TANGO6: variants seen among roughly 807,000 people sequenced by gnomAD.
The protein encoded by TANGO6 is transport and Golgi organization protein 6 homolog.
TANGO6 carries 90 observed loss-of-function variants against 114.2 expected under a neutral mutation model. The observed-to-expected ratio is 0.79, with a 90% CI of 0.66 to 0.94. The LOEUF (loss-of-function observed/expected upper bound fraction) is 0.94. Ranked by LOEUF, TANGO6 falls within the 40% of genes least tolerant of loss-of-function variation. The probability of loss-of-function intolerance (pLI) is 0.00; values close to 1 mark genes in which losing one functional copy is unlikely to be tolerated. For synonymous variants in TANGO6, 477 were observed against 509.8 expected, an observed-to-expected ratio of 0.94 and a Z score of 0.87; for missense variants, 1,274 against 1,315.3, an observed-to-expected ratio of 0.97 and a Z score of 0.49.
chr16:68,891,107 C>T (rs995404120), intron 7 of TANGO6, among the ~76,000 whole-genome samples: 5 of 151,086 alleles, frequency 3.3e-5, no homozygotes, highest in Admixed American at 1.3e-4. Flanking sequence ...GCCTGGCCAA[C>T]GTGGTGAAAC....
At chr16:68,851,672 G>A (rs7205678) in intron 1 of TANGO6, among the ~76,000 whole-genome samples, 1,932 of 152,186 alleles carry the variant, frequency 0.013, 38 homozygotes, top group African/African-American at 0.042. Flanking sequence ...TGTATCTATA[G>A]GATAGATTCC....
intron 14 of TANGO6, among the ~76,000 whole-genome samples, chr16:68,932,112 C>T (rs1414971657): frequency 1.1e-4 from 16 of 149,332 alleles, no homozygotes; most frequent in African/African-American, 3.0e-4. Context: ...TTTTTTGAGA[C>T]GGAGTTTCAC....
At chr16:68,857,288 A>G (rs1489894952) in intron 1 of TANGO6, among the ~76,000 whole-genome samples, 2 of 152,086 alleles carry the variant, frequency 1.3e-5, no homozygotes, top group African/African-American at 4.8e-5. Context: ...ACTTAGAATT[A>G]TGCATTTAAG....
intron 15 of TANGO6, among the ~76,000 whole-genome samples, chr16:68,993,061 C>G (rs973715392): frequency 2.0e-5 from 3 of 151,202 alleles, no homozygotes; most frequent in Non-Finnish European, 4.4e-5. Context: ...GAGGGAGACT[C>G]TGTCTCAAAA....
chr16:69,072,475 C>T (rs1399641680), intron 17 of TANGO6, among the ~76,000 whole-genome samples: 1 of 152,032 alleles, frequency 6.6e-6, no homozygotes, highest in Non-Finnish European at 1.5e-5. Context: ...ATCCTGCCCC[C>T]GACAGAGGCT....
Position 68,919,189 on chromosome 16 carries a change from G to T in TANGO6, c.2097G>T (p.Leu699=). ...AGACGCTGAGCATGTCCATGGGGCT[G>T]GTGGCTGTCATGCTAGGAGGAGCTG... ...ESQTLSMSMG[L]VAVMLGGAVQ... Residue 699 remains leucine (L), a synonymous_variant, in exon 12 of 18, where the codon CTG becomes CTT. Transcript: ENST00000261778. The T allele has an allele frequency of 6.2e-7, 1 of 1,612,780 alleles. No individual in the cohort carries two copies. The highest frequency in any genetic ancestry group is 8.5e-7 in the Non-Finnish European group (1 of 1,179,484).
At chr16:69,078,330 C>T (rs938643517) in intron 17 of TANGO6, among the ~76,000 whole-genome samples, 2 of 152,138 alleles carry the variant, frequency 1.3e-5, no homozygotes, top group African/African-American at 2.4e-5. Flanking sequence ...TCAGGAATAT[C>T]GAAAGATGGA....
At chr16:68,953,759 G>A (rs1352401328) in intron 14 of TANGO6, among the ~76,000 whole-genome samples, 3 of 152,158 alleles carry the variant, frequency 2.0e-5, no homozygotes, top group African/African-American at 2.4e-5. Flanking sequence ...CGTGAAACCC[G>A]CCTTTGTGAC....
intron 16 of TANGO6, among the ~76,000 whole-genome samples, chr16:69,023,905 T>C: frequency 6.6e-6 from 1 of 151,860 alleles, no homozygotes; most frequent in East Asian, 1.9e-4. Context: ...GAGTTTTTTA[T>C]TATTATTATT....
intron 12 of TANGO6, 34 bp downstream of exon 12, chr16:68,919,253 G>A: frequency 6.2e-7 from 1 of 1,605,204 alleles, no homozygotes; most frequent in Non-Finnish European, 8.5e-7. Context: ...CTTGAATGGA[G>A]GGAAGGGAGA....
chr16:69,002,670 C>T (rs1019863796), intron 15 of TANGO6, among the ~76,000 whole-genome samples: 2 of 152,082 alleles, frequency 1.3e-5, no homozygotes, highest in African/African-American at 2.4e-5. Context: ...TACCCAGTCT[C>T]GGCTGTGTAA....
intron 14 of TANGO6, among the ~76,000 whole-genome samples, chr16:68,971,572 GC>G (rs1963704856): frequency 6.6e-6 from 1 of 152,086 alleles, no homozygotes; most frequent in African/African-American, 2.4e-5. Flanking sequence ...ACTGCACCTA[GC>G]CCCCTCTTCT....
chr16:69,076,951 C>G (rs563422915), intron 17 of TANGO6, among the ~76,000 whole-genome samples: 1 of 152,180 alleles, frequency 6.6e-6, no homozygotes, highest in Non-Finnish European at 1.5e-5. Flanking sequence ...AAGCCAAGAT[C>G]GCACCACTGA....
chr16:69,069,363 G>A (rs1317552990), intron 17 of TANGO6, among the ~76,000 whole-genome samples: 1 of 152,196 alleles, frequency 6.6e-6, no homozygotes, highest in African/African-American at 2.4e-5. Flanking sequence ...AGTCTCATCT[G>A]TTCCCTCTCA....
At chr16:69,060,456 A>G (rs551114260) in intron 17 of TANGO6, among the ~76,000 whole-genome samples, 1 of 152,284 alleles carries the variant, frequency 6.6e-6, no homozygotes, top group South Asian at 2.1e-4. Flanking sequence ...GTAGCTTAGT[A>G]TAGTGGTGCA....
At chr16:68,894,167 G>T (rs994477472) in intron 7 of TANGO6, among the ~76,000 whole-genome samples, 2 of 152,216 alleles carry the variant, frequency 1.3e-5, no homozygotes, top group African/African-American at 4.8e-5. Flanking sequence ...AGTTCGAAAT[G>T]CAGCATTGGC....
intron 14 of TANGO6, among the ~76,000 whole-genome samples, chr16:68,946,025 G>T (rs759390005): frequency 4.6e-5 from 7 of 151,244 alleles, no homozygotes; most frequent in Non-Finnish European, 1.0e-4. Flanking sequence ...TCCTATCATT[G>T]AGTTATAACA....
At chr16:68,972,817 G>T (rs1963720780) in intron 14 of TANGO6, among the ~76,000 whole-genome samples, 1 of 152,162 alleles carries the variant, frequency 6.6e-6, no homozygotes, top group South Asian at 2.1e-4. Flanking sequence ...CGTTTTATAT[G>T]TGACAAATGT....
At chr16:68,921,130 A>C (rs904071334) in intron 12 of TANGO6, among the ~76,000 whole-genome samples, 12 of 151,120 alleles carry the variant, frequency 7.9e-5, no homozygotes, top group East Asian at 5.8e-4. Context: ...AAAAAAAAAA[A>C]AAAAAAAAGA....
Sources: gnomAD v4.1 joint callset for allele counts (sites outside exome capture counted in the v4.1 genomes callset) on GRCh38, gnomAD v4.1.1 for gene constraint, MANE v1.5 for transcripts, NCBI Gene and HGNC (gene_info 2026-07-23, HGNC 2026-07-21) for gene names.